Variants in PRDM2 observed in about 807,000 individuals in gnomAD.
PRDM2 encodes PR domain zinc finger protein 2.
In PRDM2, 30 loss-of-function variants were observed where a neutral mutation model predicts 130.0. That is an observed-to-expected ratio of 0.23 (90% CI 0.17 to 0.31). The LOEUF (loss-of-function observed/expected upper bound fraction) is 0.31. Among genes scored for constraint, PRDM2 ranks in the 10% least tolerant of loss-of-function variants. PRDM2 has a pLI of 1.00. For missense variants in PRDM2, 2,011 were observed against 2,108.4 expected (o/e 0.95, Z 0.90); for synonymous variants, 871 against 782.4 (o/e 1.11, Z -1.89).
chr1:13,756,906 G>A (rs1643969192), intron 6 of PRDM2, among the ~76,000 whole-genome samples: 1 of 152,174 alleles, frequency 6.6e-6, no homozygotes. Context: ...CTGATGCTCC[G>A]AGGGGTTATG....
intron 5 of PRDM2, among the ~76,000 whole-genome samples, chr1:13,749,152 C>A (rs1643713298): frequency 6.6e-6 from 1 of 151,856 alleles, no homozygotes; most frequent in Admixed American, 6.6e-5. Context: ...CCCCACGCCG[C>A]GGGTGCGGTC....
In PRDM2 at chr1:13,779,147, T is replaced by C. The variant is rs1018076110; in HGVS notation, c.1352T>C (p.Leu451Pro). 1.9e-5 allele frequency: 30 copies of C among 1,614,074 alleles called. No individual in the cohort carries two copies. The highest frequency in any genetic ancestry group is 2.5e-5 in the Non-Finnish European group (29 of 1,180,042). ...ASKDDSSPPSLGPDCLIMNSE... is the reference protein window; with the variant it reads ...ASKDDSSPPSPGPDCLIMNSE... ...AAAGATGATTCGAGTCCTCCCAGTCTTGGGCCAGACTGTCTGATCATGAAT... is the reference window on the plus strand; with the variant it reads ...AAAGATGATTCGAGTCCTCCCAGTCCTGGGCCAGACTGTCTGATCATGAAT... The change falls in exon 8 of 10, where the codon CTT (leucine) becomes CCT (proline). Residue 451 changes from leucine to proline, a missense_variant. Leu to Pro is a moderately conservative substitution (Grantham distance 98). Transcript: ENST00000311066. This position sits in a 1 kb window ranked among gnomAD's most constrained non-coding sequence, Gnocchi z 4.9.
chr1:13,728,955 A>G (rs935766278), intron 2 of PRDM2, among the ~76,000 whole-genome samples: 11 of 152,138 alleles, frequency 7.2e-5, no homozygotes, highest in African/African-American at 1.9e-4. Context: ...GTTTTAGGTC[A>G]GAGGTTCTTA....
chr1:13,783,569 GGATTTGTCTTA>G (rs1644670671), intron 8 of PRDM2, among the ~76,000 whole-genome samples: 1 of 152,136 alleles, frequency 6.6e-6, no homozygotes, highest in East Asian at 1.9e-4. Context: ...AATGATAGAA[GGATTTGTCTTA>G]GATTTGAAGT....
intron 8 of PRDM2, among the ~76,000 whole-genome samples, chr1:13,804,458 G>A (rs1314903647): frequency 2.2e-5 from 3 of 138,688 alleles, no homozygotes; most frequent in East Asian, 2.0e-4. Flanking sequence ...CACTTGAGAC[G>A]CCGCTAAAGG....
chr1:13,767,442 C>G (rs1644252972), intron 6 of PRDM2, among the ~76,000 whole-genome samples: 1 of 151,436 alleles, frequency 6.6e-6, no homozygotes, highest in Admixed American at 6.6e-5. Flanking sequence ...CAGGCATACA[C>G]CACCACGCAC....
At chr1:13,739,795 T>C (rs1324166986) in intron 4 of PRDM2, among the ~76,000 whole-genome samples, 1 of 152,206 alleles carries the variant, frequency 6.6e-6, no homozygotes, top group Non-Finnish European at 1.5e-5. Flanking sequence ...CAGGTACTGC[T>C]AAATTCTTCA....
At chr1:13,823,055 T>TA in intron 9 of PRDM2, 104 bp from the exon 10 acceptor site, 1 of 1,158,798 alleles carries the variant, frequency 8.6e-7, no homozygotes, top group Non-Finnish European at 1.3e-6. Flanking sequence ...TATGTTTCAA[T>TA]AAACAGTTTA....
intron 6 of PRDM2, among the ~76,000 whole-genome samples, chr1:13,762,905 G>A (rs576477874): frequency 6.6e-6 from 1 of 152,322 alleles, no homozygotes; most frequent in East Asian, 1.9e-4. Context: ...GGGCACAGTT[G>A]AGATCCTCCA....
intron 7 of PRDM2, 198 bp downstream of exon 7, chr1:13,773,386 T>G: frequency 2.7e-6 from 1 of 377,100 alleles, no homozygotes; most frequent in Non-Finnish European, 4.8e-6. Flanking sequence ...GTGAAAGACT[T>G]TTCTTCTTAA....
At chr1:13,820,523 C>T (rs894908204) in intron 9 of PRDM2, among the ~76,000 whole-genome samples, 4 of 152,198 alleles carry the variant, frequency 2.6e-5, no homozygotes, top group Non-Finnish European at 5.9e-5. Flanking sequence ...AGCGGGAGGC[C>T]CAGGGAAGGG....
intron 1 of PRDM2, among the ~76,000 whole-genome samples, chr1:13,712,527 A>G (rs1389140940): frequency 1.3e-5 from 2 of 152,164 alleles, no homozygotes; most frequent in African/African-American, 4.8e-5. Context: ...CCTAAGATCT[A>G]AAACTGCAGC....
In PRDM2 at chr1:13,755,526, T is replaced by C. The variant is rs568767256; in HGVS notation, c.511+6039T>C. Among the ~76,000 whole-genome samples the C allele has an allele frequency of 2.6e-5, 4 of 152,330 alleles. No homozygotes were observed. The East Asian group carries it at 7.7e-4, about 29-fold the overall frequency. ...GAGGTAACAAGATCCTTATAGTTAG[T>C]TCAAAATACTTTAGTTGATTTTTAC... On this transcript the variant is annotated intron_variant, in intron 6 of 9. Transcript: ENST00000311066.
chr1:13,821,131 C>G (rs759283386), intron 9 of PRDM2, among the ~76,000 whole-genome samples: 4 of 152,062 alleles, frequency 2.6e-5, no homozygotes, highest in Non-Finnish European at 5.9e-5. Flanking sequence ...CTTCACGCCT[C>G]TGTGTTTCAA....
At chr1:13,810,818 T>G (rs1311549682) in intron 8 of PRDM2, among the ~76,000 whole-genome samples, 2 of 152,100 alleles carry the variant, frequency 1.3e-5, no homozygotes, top group Non-Finnish European at 2.9e-5. Flanking sequence ...TGTGTGACTT[T>G]GTGCTCCTTA....
Position 13,780,071 on chromosome 1 carries a change from G to A in PRDM2, c.2276G>A (p.Gly759Glu). 2 of 1,614,124 alleles carry A rather than the reference G, an allele frequency of 1.2e-6. No homozygotes were observed. Among genetic ancestry groups the A allele is most frequent in the Non-Finnish European group, 1.7e-6 (2 of 1,180,034 alleles). Reference protein sequence around the residue: ...ALRDFGKPSDGKAAWTDAGLT... With the variant: ...ALRDFGKPSDEKAAWTDAGLT... The stretch of plus-strand genomic sequence containing the variant: ...CGAGACTTTGGAAAGCCAAGTGATG[G>A]GAAAGCAGCATGGACCGATGCCGGG... Residue 759 changes from glycine to glutamate, a missense_variant, in exon 8 of 10, where the codon GGG becomes GAG. Gly to Glu is a moderately conservative substitution (Grantham distance 98, BLOSUM62 -2). Transcript: ENST00000311066.
chr1:13,768,643 C>T (rs1447690307), intron 6 of PRDM2, among the ~76,000 whole-genome samples: 1 of 152,224 alleles, frequency 6.6e-6, no homozygotes, highest in African/African-American at 2.4e-5. Flanking sequence ...CTCGGCCTCC[C>T]AAAGTGCTGG....
At chr1:13,726,015 T>TA (rs1006091293) in intron 2 of PRDM2, among the ~76,000 whole-genome samples, 1 of 152,226 alleles carries the variant, frequency 6.6e-6, no homozygotes, top group African/African-American at 2.4e-5. Context: ...GGATTGAAAT[T>TA]ACCTAGCTCT....
intron 4 of PRDM2, among the ~76,000 whole-genome samples, chr1:13,740,705 T>G (rs1643411694): frequency 6.6e-6 from 1 of 152,254 alleles, no homozygotes; most frequent in Admixed American, 6.5e-5. Flanking sequence ...CTAATAAGCC[T>G]GCTACATAGG....
Sources: allele counts gnomAD v4.1 joint callset (sites outside exome capture counted in the v4.1 genomes callset), GRCh38; gene constraint gnomAD v4.1.1; non-coding constraint Gnocchi (gnomAD v3.1); transcripts MANE v1.5; gene names NCBI Gene and HGNC (gene_info 2026-07-23, HGNC 2026-07-21).